Variants in CNTNAP2 observed in about 807,000 individuals in gnomAD.
CNTNAP2 encodes contactin-associated protein-like 2.
Under a neutral mutation model 155.2 loss-of-function variants are expected in CNTNAP2, and 98 were observed. That is an observed-to-expected ratio of 0.63 (90% CI 0.54 to 0.75). The LOEUF (loss-of-function observed/expected upper bound fraction) is 0.75. Ranked by LOEUF, CNTNAP2 falls within the 30% of genes least tolerant of loss-of-function variation. The pLI, the probability that CNTNAP2 is intolerant of heterozygous loss-of-function variation, is 0.00. For missense variants in CNTNAP2, 1,727 were observed against 1,688.1 expected, an observed-to-expected ratio of 1.02 and a Z score of -0.40; for synonymous variants, 651 against 631.2, an observed-to-expected ratio of 1.03 and a Z score of -0.47.
chr7:146,639,465 T>TATTCCCATTTTGTGGGGG (rs78789337), intron 1 of CNTNAP2, among the ~76,000 whole-genome samples: 21,469 of 152,268 alleles, frequency 0.14, 2,093 homozygotes, highest in African/African-American at 0.28. Context: ...ATTCTCTGAT[T>TATTCCCATTTTGTGGGGG]ATTCCCATTT....
At chr7:146,822,240 A>G (rs555802170) in intron 2 of CNTNAP2, among the ~76,000 whole-genome samples, 48 of 152,040 alleles carry the variant, frequency 3.2e-4, no homozygotes, top group Non-Finnish European at 5.6e-4. Flanking sequence ...CCAACACCAC[A>G]TGTTCTCACT....
chr7:147,328,883 T>C (rs536150619), intron 9 of CNTNAP2, among the ~76,000 whole-genome samples: 15 of 152,272 alleles, frequency 9.9e-5, no homozygotes, highest in Middle Eastern at 6.8e-3. Flanking sequence ...AGCAAGGTCT[T>C]TGGCAAAATC....
rs115820134 is a variant in CNTNAP2 at position 146,896,882 on chromosome 7, T to C, written c.402+56978T>C. 5.2e-3 allele frequency among the ~76,000 whole-genome samples: 794 copies of C among 152,184 alleles called. 6 individuals carry two copies. Among genetic ancestry groups the C allele is most frequent in the African/African-American group, 0.018 (761 of 41,542 alleles). On this transcript the variant is annotated intron_variant, in intron 3 of 23. Transcript: ENST00000361727. The stretch of plus-strand genomic sequence containing the variant: ...TTTTAATGATGATTTATTTAACTTA[T>C]TAATTAATGAGGGAAATTTTAAGAT...
At chr7:146,269,411 A>G (rs1800045633) in intron 1 of CNTNAP2, among the ~76,000 whole-genome samples, 1 of 152,184 alleles carries the variant, frequency 6.6e-6, no homozygotes, top group African/African-American at 2.4e-5. Context: ...CCTATCCTAC[A>G]GATGGGGTAA....
chr7:147,397,420 T>G (rs968550171), intron 10 of CNTNAP2, among the ~76,000 whole-genome samples: 6 of 152,082 alleles, frequency 3.9e-5, no homozygotes, highest in African/African-American at 1.4e-4. Context: ...ATGGAGTTTT[T>G]TAGTATCTAC....
intron 1 of CNTNAP2, among the ~76,000 whole-genome samples, chr7:146,691,149 T>A (rs1800691319): frequency 1.3e-5 from 2 of 151,672 alleles, no homozygotes; most frequent in Admixed American, 6.6e-5. Context: ...TTCCGCCATT[T>A]TCTTAATATT....
At chr7:146,720,962 ACAG>A (rs1801280449) in intron 1 of CNTNAP2, among the ~76,000 whole-genome samples, 1 of 116,192 alleles carries the variant, frequency 8.6e-6, no homozygotes, top group South Asian at 2.4e-4. Context: ...CTATATATAT[ACAG>A]TATATATATA....
chr7:148,301,306 A>AAAATATATATATAT, intron 21 of CNTNAP2, among the ~76,000 whole-genome samples: 4 of 103,866 alleles, frequency 3.9e-5, no homozygotes, highest in South Asian at 3.4e-4. Flanking sequence ...AAAAAAAAAA[A>AAAATATATATATAT]ATATATATAT....
At chr7:146,934,679 G>A (rs554934625) in intron 3 of CNTNAP2, among the ~76,000 whole-genome samples, 208 of 152,170 alleles carry the variant, frequency 1.4e-3, no homozygotes, top group Non-Finnish European at 2.4e-3. Context: ...GAAAAAAATG[G>A]ACAATGGTAT....
intron 1 of CNTNAP2, among the ~76,000 whole-genome samples, chr7:146,200,755 T>C (rs902785777): frequency 5.9e-5 from 9 of 152,110 alleles, no homozygotes; most frequent in Non-Finnish European, 2.9e-5. Flanking sequence ...GTTTATATCA[T>C]GGAATCCCCT....
chr7:147,389,932 T>C (rs1424242411), intron 9 of CNTNAP2, among the ~76,000 whole-genome samples: 1 of 152,192 alleles, frequency 6.6e-6, no homozygotes, highest in African/African-American at 2.4e-5. Context: ...TAGCTATTCA[T>C]TTCTGACCCT....
At chr7:146,814,084 C>A (rs1416730439) in intron 2 of CNTNAP2, among the ~76,000 whole-genome samples, 1 of 152,158 alleles carries the variant, frequency 6.6e-6, no homozygotes, top group Non-Finnish European at 1.5e-5. Context: ...TCAGGCAGTT[C>A]TTTATAGCAG....
Position 147,205,749 on chromosome 7 carries a change from A to G in CNTNAP2, c.1348+73240A>G, listed in dbSNP as rs950475363. Among the ~76,000 whole-genome samples the G allele has an allele frequency of 1.3e-4, 20 of 152,146 alleles. 1 individual carries two copies. The highest frequency in any genetic ancestry group is 4.1e-4 in the African/African-American group (17 of 41,550). On this transcript the variant is annotated intron_variant, in intron 8 of 23. Transcript: ENST00000361727. ...ATACTTACCAGCAGCTGGGAAGGGA[A>G]AGAGGAGAAGGTGATTAAGAAGAGT...
rs1801131018 is a variant in CNTNAP2, at chr7:147,609,132, T to C, written c.1898-29974T>C. On this transcript the variant is annotated intron_variant, in intron 12 of 23. Transcript: ENST00000361727. Reference sequence around the variant, plus strand: ...TATTTATTGAACTTCTGTAGACTAATGGGCACTGTTCTGGGTAGCAGAGAT... The same window carrying C: ...TATTTATTGAACTTCTGTAGACTAACGGGCACTGTTCTGGGTAGCAGAGAT... Among the ~76,000 whole-genome samples the C allele has an allele frequency of 3.9e-5, 6 of 152,278 alleles. No homozygotes were observed. The South Asian group carries it at 1.2e-3, about 32-fold the overall frequency.
chr7:147,252,266 T>C (rs1458394234), intron 8 of CNTNAP2, among the ~76,000 whole-genome samples: 1 of 152,180 alleles, frequency 6.6e-6, no homozygotes, highest in East Asian at 1.9e-4. Flanking sequence ...GTTTCAAAAC[T>C]GATAGTCAGC....
chr7:146,406,856 G>T (rs1203718225), intron 1 of CNTNAP2, among the ~76,000 whole-genome samples: 1 of 152,228 alleles, frequency 6.6e-6, no homozygotes, highest in East Asian at 1.9e-4. Context: ...ATGGAAAGCA[G>T]CCAGGTGAAG....
chr7:146,200,102 A>G (rs1386911581), intron 1 of CNTNAP2, among the ~76,000 whole-genome samples: 1 of 152,184 alleles, frequency 6.6e-6, no homozygotes, highest in Non-Finnish European at 1.5e-5. Context: ...TCTTTTTCCA[A>G]GACTAGAGCC....
intron 1 of CNTNAP2, among the ~76,000 whole-genome samples, chr7:146,183,993 C>T (rs34276665): frequency 0.052 from 7,861 of 152,122 alleles, 237 homozygotes; most frequent in Middle Eastern, 0.1. Flanking sequence ...TGGACTTGAT[C>T]TTGGGACTTC....
Position 147,320,327 on chromosome 7 carries a change from T to C in CNTNAP2, c.1498+20037T>C, listed in dbSNP as rs117649271. Among the ~76,000 whole-genome samples, 869 of 152,290 alleles carry C rather than the reference T, an allele frequency of 5.7e-3. 8 individuals are homozygous for C. Among genetic ancestry groups the C allele is most frequent in the Middle Eastern group, 0.01 (3 of 294 alleles). ...TGCAAAGCAAGCTGGGAAATAAAAT[T>C]CTTCCAGACATTCATGAATCCAGTG... On this transcript the variant is annotated intron_variant, in intron 9 of 23. Transcript: ENST00000361727.
Sources: gnomAD v4.1 joint callset for allele counts (sites outside exome capture counted in the v4.1 genomes callset) on GRCh38, gnomAD v4.1.1 for gene constraint, MANE v1.5 for transcripts, NCBI Gene and HGNC (gene_info 2026-07-23, HGNC 2026-07-21) for gene names.